Variants in RYR2 observed in about 807,000 individuals in gnomAD.
RYR2 encodes ryanodine receptor 2, also known as cardiac muscle ryanodine receptor-calcium release channel.
A neutral mutation model predicts 601.1 loss-of-function variants in RYR2; 227 were observed. The ratio of observed to expected loss-of-function variants is 0.38; its 90% CI spans 0.34 to 0.42. The LOEUF (loss-of-function observed/expected upper bound fraction) is 0.42, where lower values mean the gene tolerates loss of function less well. Ranked by LOEUF, RYR2 falls within the 10% of genes least tolerant of loss-of-function variation. RYR2 has a pLI of 1.00. For missense variants in RYR2, 4,646 were observed against 6,156.5 expected, an observed-to-expected ratio of 0.75 and a Z score of 8.21; for synonymous variants, 2,223 against 2,175.1, an observed-to-expected ratio of 1.02 and a Z score of -0.61.
At chr1:237,113,520 C>G (rs1431133312) in intron 1 of RYR2, among the ~76,000 whole-genome samples, 4 of 152,128 alleles carry the variant, frequency 2.6e-5, no homozygotes, top group Admixed American at 6.5e-5. Context: ...TTAGAAGACT[C>G]TGTCCCATTG....
In RYR2 at chr1:237,809,762, CAA is replaced by C. The variant is rs1661060696; in HGVS notation, c.14433+730_14433+731del. ...ATAAATTACTCTAGAAAAAATAGCCCAAAAGATTGATGAGAATGACCAGTATT... is the reference window on the plus strand; with the variant it reads ...ATAAATTACTCTAGAAAAAATAGCCCAAGATTGATGAGAATGACCAGTATT... On this transcript the variant is annotated intron_variant, in intron 100 of 104. Transcript: ENST00000366574. Among the ~76,000 whole-genome samples the C allele has an allele frequency of 1.3e-5, 2 of 151,894 alleles. 1 individual carries two copies. The highest frequency in any genetic ancestry group is 1.3e-4 in the Admixed American group (2 of 15,234).
chr1:237,605,587 A>G (rs1241090175), intron 35 of RYR2, among the ~76,000 whole-genome samples: 3 of 152,176 alleles, frequency 2.0e-5, no homozygotes, highest in African/African-American at 7.2e-5. Flanking sequence ...CAAGGAAAAG[A>G]AATAAAGGGT....
chr1:237,448,006 C>T (rs1657596128), intron 14 of RYR2, among the ~76,000 whole-genome samples: 2 of 150,788 alleles, frequency 1.3e-5, no homozygotes, highest in South Asian at 4.2e-4. Context: ...CTGCTCACTG[C>T]AACCTGCCTC....
chr1:237,649,610 G>C (rs1682520084), intron 49 of RYR2, among the ~76,000 whole-genome samples: 1 of 152,134 alleles, frequency 6.6e-6, no homozygotes, highest in East Asian at 1.9e-4. Flanking sequence ...GATATTTAAT[G>C]ATAGAGTCTG....
At chr1:237,247,990 T>C (rs899863695) in intron 1 of RYR2, among the ~76,000 whole-genome samples, 10 of 152,082 alleles carry the variant, frequency 6.6e-5, no homozygotes, top group Admixed American at 2.0e-4. Flanking sequence ...AAATGATACA[T>C]TGGCCGGGCA....
intron 2 of RYR2, among the ~76,000 whole-genome samples, chr1:237,280,227 C>T (rs1020643691): frequency 1.3e-5 from 2 of 152,064 alleles, no homozygotes; most frequent in Admixed American, 6.6e-5. Flanking sequence ...ATAAAAATGT[C>T]GGTATAAGAT....
intron 4 of RYR2, among the ~76,000 whole-genome samples, chr1:237,356,756 C>T (rs1186531302): frequency 1.3e-5 from 2 of 152,118 alleles, no homozygotes; most frequent in African/African-American, 4.8e-5. Context: ...CCTTCCAATA[C>T]TTAACACACC....
chr1:237,222,282 A>G (rs370940335), intron 1 of RYR2, among the ~76,000 whole-genome samples: 13 of 151,726 alleles, frequency 8.6e-5, no homozygotes, highest in East Asian at 1.9e-4. Context: ...GCGTGGTGGC[A>G]GGCGCCTGTA....
intron 2 of RYR2, among the ~76,000 whole-genome samples, chr1:237,305,981 T>C (rs1457921329): frequency 1.3e-5 from 2 of 152,212 alleles, no homozygotes; most frequent in African/African-American, 4.8e-5. Context: ...GATGTTGGTT[T>C]GGACTCAGTC....
intron 1 of RYR2, among the ~76,000 whole-genome samples, chr1:237,260,776 A>G (rs755817313): frequency 9.9e-5 from 15 of 152,264 alleles, no homozygotes; most frequent in South Asian, 2.1e-4. Context: ...AATGTTGTCT[A>G]TACATTTATA....
intron 1 of RYR2, among the ~76,000 whole-genome samples, chr1:237,182,273 C>A (rs539174430): frequency 6.6e-6 from 1 of 152,178 alleles, no homozygotes; most frequent in African/African-American, 2.4e-5. Context: ...AGGTGTGCAC[C>A]ACCACGCCCA....
chr1:237,342,361 C>T (rs999283976), intron 3 of RYR2, among the ~76,000 whole-genome samples: 2 of 150,126 alleles, frequency 1.3e-5, no homozygotes, highest in Non-Finnish European at 3.0e-5. Flanking sequence ...GGTATATTGC[C>T]CAGGCTGTCC....
rs780244775 is a variant in RYR2, at chr1:237,706,946, C to T, written c.9581-3C>T. ...TCATCCATTTTTATATGTACTTCTC[C>T]AGCTCTCAGTTTGCCAACTAATGTG... is the stretch of plus-strand genomic sequence containing the variant. On this transcript the variant is annotated splice_region_variant and splice_polypyrimidine_tract_variant and intron_variant, in intron 67 of 104. Transcript: ENST00000366574. The T allele has an allele frequency of 6.2e-7, 1 of 1,607,710 alleles. No individual in the cohort carries two copies. Among genetic ancestry groups the T allele is most frequent in the East Asian group, 2.2e-5 (1 of 44,778 alleles).
intron 87 of RYR2, among the ~76,000 whole-genome samples, chr1:237,776,085 T>G (rs1259725407): frequency 2.6e-5 from 4 of 152,146 alleles, no homozygotes; most frequent in Non-Finnish European, 5.9e-5. Flanking sequence ...AGAAAATTAT[T>G]TCTGACTTGA....
chr1:237,363,668 G>A (rs1699968948), intron 4 of RYR2, among the ~76,000 whole-genome samples: 1 of 152,018 alleles, frequency 6.6e-6, no homozygotes, highest in South Asian at 2.1e-4. Flanking sequence ...CTTTAGAGGT[G>A]TAAAGAAAAA....
At chr1:237,295,756 G>A (rs779851670) in intron 2 of RYR2, among the ~76,000 whole-genome samples, 1 of 152,110 alleles carries the variant, frequency 6.6e-6, no homozygotes, top group African/African-American at 2.4e-5. Flanking sequence ...AAAAAATATT[G>A]CCATAAAATT....
chr1:237,407,907 C>T (rs529408758), intron 10 of RYR2, among the ~76,000 whole-genome samples: 15 of 152,150 alleles, frequency 9.9e-5, no homozygotes, highest in African/African-American at 3.1e-4. Context: ...TGAGCCACTG[C>T]GCCTGGCCAA....
At chr1:237,251,988 G>T (rs150156295) in intron 1 of RYR2, among the ~76,000 whole-genome samples, 148 of 152,092 alleles carry the variant, frequency 9.7e-4, no homozygotes, top group Non-Finnish European at 1.8e-3. Flanking sequence ...TCTGGATTCT[G>T]ACCTTTTCCC....
At chr1:237,241,261 C>A (rs980268772) in intron 1 of RYR2, among the ~76,000 whole-genome samples, 2 of 152,120 alleles carry the variant, frequency 1.3e-5, no homozygotes, top group African/African-American at 4.8e-5. Flanking sequence ...TATGAAGCAT[C>A]CTTAGGTTAA....
Sources: gnomAD v4.1 joint callset for allele counts (sites outside exome capture counted in the v4.1 genomes callset) on GRCh38, gnomAD v4.1.1 for gene constraint, MANE v1.5 for transcripts, NCBI Gene and HGNC (gene_info 2026-07-23, HGNC 2026-07-21) for gene names.